The following AGL variants were observed in gnomAD, a reference collection of about 807,000 sequenced individuals.
AGL encodes amylo-alpha-1,6-glucosidase and 4-alpha-glucanotransferase, also known as glycogen debranching enzyme.
In AGL, 128 loss-of-function variants were observed where a neutral mutation model predicts 199.3. The observed-to-expected ratio is 0.64, with a 90% confidence interval of 0.56 to 0.74. The LOEUF (loss-of-function observed/expected upper bound fraction) is 0.74, where lower values mean the gene tolerates loss of function less well. Among genes scored for constraint, AGL ranks in the 30% least tolerant of loss-of-function variants. The probability of loss-of-function intolerance (pLI) is 0.00; values close to 1 mark genes in which losing one functional copy is unlikely to be tolerated. For synonymous variants in AGL, 584 were observed against 594.7 expected, an observed-to-expected ratio of 0.98 and a Z score of 0.26; for missense variants, 1,809 against 1,820.8, an observed-to-expected ratio of 0.99 and a Z score of 0.12.
In AGL at chr1:99,862,227, G is replaced by C. The variant is rs376986279; in HGVS notation, c.294-30G>C. 5 of 1,612,532 alleles carry C rather than the reference G, an allele frequency of 3.1e-6. No individual in the cohort carries two copies. In the African/African-American group the frequency reaches 6.7e-5, roughly 22 times the overall value. ...GAGGATTTTTTTTCTATCACTGACT[G>C]AAAAGTTTTTGTTTTGTTTTTTCCC... On this transcript the variant is annotated intron_variant, in intron 3 of 33. Coordinates refer to ENST00000361915, the MANE Select transcript of AGL (RefSeq NM_000642.3).
intron 26 of AGL, among the ~76,000 whole-genome samples, chr1:99,901,099 A>G (rs767150940): frequency 6.6e-6 from 1 of 152,100 alleles, no homozygotes; most frequent in Non-Finnish European, 1.5e-5. Flanking sequence ...AATAGATTGT[A>G]GAGGAAGTGT....
chr1:99,918,652 C>T (rs1655303958), intron 33 of AGL, among the ~76,000 whole-genome samples: 1 of 151,980 alleles, frequency 6.6e-6, no homozygotes. Context: ...TATTAGATAC[C>T]AGATGTGAAT....
At chr1:99,906,083 A>T (rs1654267450) in intron 27 of AGL, among the ~76,000 whole-genome samples, 1 of 152,084 alleles carries the variant, frequency 6.6e-6, no homozygotes, top group Non-Finnish European at 1.5e-5. Flanking sequence ...AACCATCATC[A>T]CTGTCCATCT....
At chr1:99,851,613 A>G (rs761862806) in intron 2 of AGL, among the ~76,000 whole-genome samples, 1 of 152,222 alleles carries the variant, frequency 6.6e-6, no homozygotes, top group Non-Finnish European at 1.5e-5. Context: ...AATGTGGAGT[A>G]GGTAAAAGCT....
In AGL at chr1:99,923,391, A is replaced by G. The variant is rs1354565454; in HGVS notation, c.*1740A>G. The G allele has an allele frequency of 6.6e-6, 1 of 152,226 alleles. No individual in the cohort carries two copies. Among genetic ancestry groups the G allele is most frequent in the African/African-American group, 2.4e-5 (1 of 41,464 alleles). The allele number at this position is 152,226 out of a possible 1,614,324, so 9.4% of individuals were successfully genotyped here. A position where few individuals can be genotyped will look rare whatever the true frequency, so the allele number is the denominator to read the frequency against. On this transcript the variant is annotated 3_prime_UTR_variant, in exon 34 of 34. Transcript: ENST00000361915. Reference sequence around the variant, plus strand: ...GTAGGAAAGGTAACAGAAAACCAGCATATTTAATCAAAGCAAGAAGTAATC... The same window carrying G: ...GTAGGAAAGGTAACAGAAAACCAGCGTATTTAATCAAAGCAAGAAGTAATC...
At chr1:99,905,299 C>A (rs1654185151) in intron 27 of AGL, among the ~76,000 whole-genome samples, 1 of 152,096 alleles carries the variant, frequency 6.6e-6, no homozygotes, top group Admixed American at 6.6e-5. Context: ...TGGGTTCAAA[C>A]GATTCTTGTA....
chr1:99,864,712 A>G, intron 5 of AGL, 123 bp downstream of exon 5: 1 of 839,306 alleles, frequency 1.2e-6, no homozygotes. Flanking sequence ...AAATTTTAAA[A>G]ACACAAATGA....
rs1571243125 is a variant in AGL at position 99,870,517 on chromosome 1, T to G, written c.782T>G (p.Val261Gly). The G allele has an allele frequency of 6.2e-7, 1 of 1,614,098 alleles. No individual in the cohort carries two copies. The highest frequency in any genetic ancestry group is 1.3e-5 in the African/African-American group (1 of 75,054). The change falls in exon 6 of 34, where the codon GTT (valine) becomes GGT (glycine). Residue 261 changes from valine to glycine, a missense_variant. Coordinates refer to ENST00000361915, the MANE Select transcript of AGL (RefSeq NM_000642.3). ...DRALWRFSCD[V>G]AEGKYKEKGI... ...GCACTTTGGCGTTTCTCCTGTGATG[T>G]TGCAGAAGGGAAATACAAAGAAAAG... is the stretch of plus-strand genomic sequence containing the variant.
At chr1:99,853,640 T>G (rs983684296) in intron 2 of AGL, among the ~76,000 whole-genome samples, 2 of 152,184 alleles carry the variant, frequency 1.3e-5, no homozygotes, top group African/African-American at 4.8e-5. Flanking sequence ...GTAATCTCAG[T>G]GCTTTGGGAG....
rs200603266 is a variant in AGL at position 99,916,413 on chromosome 1, T to C, written c.4263T>C (p.Asp1421=). ...PLGMKTLDPD[D]MVYCGIYDNA... ...TTAAATTTCAATCATTTTGCAGTGA[T>C]ATGGTTTACTGTGGAATTTATGACA... Residue 1421 remains aspartate, a synonymous_variant, in exon 32 of 34, where the codon GAT becomes GAC. Coordinates refer to ENST00000361915, the MANE Select transcript of AGL (RefSeq NM_000642.3). The C allele has an allele frequency of 3.7e-6, 6 of 1,605,820 alleles. No homozygotes were observed. The East Asian group carries it at 1.3e-4, about 36-fold the overall frequency.
chr1:99,901,803 G>A (rs903141487), intron 26 of AGL, among the ~76,000 whole-genome samples: 1 of 151,996 alleles, frequency 6.6e-6, no homozygotes, highest in African/African-American at 2.4e-5. Context: ...AGCTACTCCA[G>A]GGTTAGCATA....
At chr1:99,864,274 C>A in intron 4 of AGL, 112 bp from the exon 5 acceptor site, 1 of 979,394 alleles carries the variant, frequency 1.0e-6, no homozygotes. Context: ...CAGTAGCATG[C>A]TTGCCTTGCT....
At chr1:99,912,286 A>AT (rs1448451994) in intron 28 of AGL, 119 bp from the exon 29 acceptor site, 2 of 799,330 alleles carry the variant, frequency 2.5e-6, no homozygotes, top group Non-Finnish European at 4.0e-6. Context: ...TAGAGTAAGG[A>AT]TTTTTTAATA....
At chr1:99,863,889 G>GC (rs1650284274) in intron 4 of AGL, among the ~76,000 whole-genome samples, 1 of 151,322 alleles carries the variant, frequency 6.6e-6, no homozygotes, top group Non-Finnish European at 1.5e-5. Context: ...TAGTCCTCTT[G>GC]CCTTGGCCTC....
intron 5 of AGL, among the ~76,000 whole-genome samples, chr1:99,866,093 C>T (rs575306481): frequency 6.6e-6 from 1 of 152,138 alleles, no homozygotes; most frequent in Non-Finnish European, 1.5e-5. Context: ...CATAATGAGA[C>T]CCCCATCTCT....
At chr1:99,861,427 T>G in intron 2 of AGL, 76 bp from the exon 3 acceptor site, 2 of 1,598,378 alleles carry the variant, frequency 1.3e-6, no homozygotes, top group Non-Finnish European at 1.7e-6. Context: ...TTTTAATACT[T>G]TAAATAAAAC....
At chr1:99,916,814 T>C in intron 33 of AGL, 83 bp downstream of exon 33, 2 of 1,462,814 alleles carry the variant, frequency 1.4e-6, no homozygotes, top group Non-Finnish European at 1.9e-6. Context: ...TTTCTTAGAA[T>C]TGATTTCTGT....
At position 99,861,507 on chromosome 1, in the gene AGL, T is replaced by C. The variant is rs768278283; in HGVS notation, c.87T>C (p.Tyr29=). Residue 29 remains tyrosine (Y), a synonymous_variant, in exon 3 of 34, where the codon TAT becomes TAC. Coordinates refer to ENST00000361915, the MANE Select transcript of AGL (RefSeq NM_000642.3). ...TAACATGTGCTTTTTATTTAGGGTATGAGCTACAGTTCCGATTAGGCCCAA... is the reference window on the plus strand; with the variant it reads ...TAACATGTGCTTTTTATTTAGGGTACGAGCTACAGTTCCGATTAGGCCCAA... ...EKTLFRLEQG[Y]ELQFRLGPTL... is the part of the protein sequence containing the mutation. 2.7e-5 allele frequency: 43 copies of C among 1,613,712 alleles called. No individual in the cohort carries two copies. The highest frequency in any genetic ancestry group is 5.0e-5 in the Admixed American group (3 of 60,006).
At position 99,901,901 on chromosome 1, in the gene AGL, C is replaced by A. The variant is rs1186109336; in HGVS notation, c.3589-782C>A. 2.6e-5 allele frequency among the ~76,000 whole-genome samples: 4 copies of A among 152,078 alleles called. No homozygotes were observed. The East Asian group carries it at 7.7e-4, about 29-fold the overall frequency. ...TTATTTGTCCTCTGTTATCAACTGA[C>A]ATTTCTGTTACAATGAATATAGGTT... is the stretch of plus-strand genomic sequence containing the variant. On this transcript the variant is annotated intron_variant, in intron 26 of 33. Transcript: ENST00000361915.
Sources: gnomAD v4.1 joint callset for allele counts (sites outside exome capture counted in the v4.1 genomes callset) on GRCh38, gnomAD v4.1.1 for gene constraint, MANE v1.5 for transcripts, NCBI Gene and HGNC (gene_info 2026-07-23, HGNC 2026-07-21) for gene names.